ANAPC10: variants seen among roughly 807,000 people sequenced by gnomAD.
ANAPC10 encodes anaphase-promoting complex subunit 10.
A neutral mutation model predicts 22.0 loss-of-function variants in ANAPC10; 12 were observed. That is an observed-to-expected ratio of 0.55 (90% CI 0.35 to 0.88). ANAPC10 has a LOEUF of 0.88. ANAPC10 is among the 40% of genes least tolerant of loss of function. ANAPC10 has a pLI of 0.01. For missense variants in ANAPC10, 188 were observed against 220.9 expected, an observed-to-expected ratio of 0.85 and a Z score of 0.94; for synonymous variants, 65 against 69.5, an observed-to-expected ratio of 0.94 and a Z score of 0.32.
chr4:145,029,205 C>T (rs753347206), intron 4 of ANAPC10, among the ~76,000 whole-genome samples: 1 of 152,036 alleles, frequency 6.6e-6, no homozygotes, highest in Non-Finnish European at 1.5e-5. Context: ...TTCACCATCC[C>T]CAGTAGTGGC....
At chr4:145,036,756 G>A (rs1054220193) in intron 4 of ANAPC10, among the ~76,000 whole-genome samples, 1 of 152,078 alleles carries the variant, frequency 6.6e-6, no homozygotes, top group Non-Finnish European at 1.5e-5. Flanking sequence ...GACTTAGTAA[G>A]TTAGCAAAAC....
At chr4:145,061,167 G>GA (rs1019172757) in intron 4 of ANAPC10, among the ~76,000 whole-genome samples, 1 of 151,982 alleles carries the variant, frequency 6.6e-6, no homozygotes, top group Non-Finnish European at 1.5e-5. Context: ...AACACACTTA[G>GA]AAAAAATTAA....
intron 4 of ANAPC10, among the ~76,000 whole-genome samples, chr4:144,996,954 T>A (rs991884936): frequency 2.0e-5 from 3 of 152,060 alleles, no homozygotes; most frequent in Non-Finnish European, 4.4e-5. Flanking sequence ...CAAGCTTCAA[T>A]AGCTGATTCG....
chr4:145,088,939 T>A (rs576185158), intron 2 of ANAPC10, among the ~76,000 whole-genome samples: 26 of 152,340 alleles, frequency 1.7e-4, no homozygotes, highest in African/African-American at 6.3e-4. Context: ...TTTCTGAACC[T>A]CTAAAATGCC....
At chr4:145,045,400 T>C (rs1326423561) in intron 4 of ANAPC10, among the ~76,000 whole-genome samples, 1 of 152,066 alleles carries the variant, frequency 6.6e-6, no homozygotes, top group Non-Finnish European at 1.5e-5. Flanking sequence ...AAACCAGATC[T>C]GTCTACTTTG....
chr4:145,039,494 A>G (rs1165696608), intron 4 of ANAPC10, among the ~76,000 whole-genome samples: 1 of 152,252 alleles, frequency 6.6e-6, no homozygotes, highest in Admixed American at 6.5e-5. Context: ...AATAATAAAT[A>G]ACAATAAACA....
chr4:145,048,174 C>A (rs1042516495), intron 4 of ANAPC10, among the ~76,000 whole-genome samples: 1 of 152,032 alleles, frequency 6.6e-6, no homozygotes, highest in Non-Finnish European at 1.5e-5. Context: ...AAATAAATAT[C>A]AAAGGCCACT....
At chr4:145,019,038 C>T (rs113529014) in intron 4 of ANAPC10, among the ~76,000 whole-genome samples, 3 of 152,126 alleles carry the variant, frequency 2.0e-5, no homozygotes, top group Non-Finnish European at 4.4e-5. Context: ...CTAGACAGGT[C>T]ATCAAGACAG....
At chr4:145,028,097 G>A (rs1449415791) in intron 4 of ANAPC10, among the ~76,000 whole-genome samples, 1 of 152,192 alleles carries the variant, frequency 6.6e-6, no homozygotes, top group Non-Finnish European at 1.5e-5. Context: ...TGGTGTGATG[G>A]TTAATACCGA....
intron 4 of ANAPC10, among the ~76,000 whole-genome samples, chr4:145,014,005 G>T (rs1247071897): frequency 6.6e-6 from 1 of 152,116 alleles, no homozygotes; most frequent in Non-Finnish European, 1.5e-5. Context: ...GGCCAGCGGT[G>T]CGGAGAAAAT....
At chr4:145,037,292 CAT>C (rs1288696251) in intron 4 of ANAPC10, among the ~76,000 whole-genome samples, 1 of 151,942 alleles carries the variant, frequency 6.6e-6, no homozygotes, top group African/African-American at 2.4e-5. Flanking sequence ...CTTATGCAAA[CAT>C]ATAGAAATTT....
chr4:145,064,195 T>C (rs563525866), intron 4 of ANAPC10: 1 of 154,766 alleles, frequency 6.5e-6, no homozygotes, highest in South Asian at 2.0e-4. Context: ...ATCACACTGG[T>C]ATTTGGGGTG....
intron 2 of ANAPC10, among the ~76,000 whole-genome samples, chr4:145,093,981 T>C (rs1748098252): frequency 6.6e-6 from 1 of 152,168 alleles, no homozygotes; most frequent in Non-Finnish European, 1.5e-5. Context: ...TCATATACCA[T>C]CAGTTTTGCC....
At chr4:145,007,321 G>A (rs62343144) in intron 4 of ANAPC10, among the ~76,000 whole-genome samples, 15,741 of 152,000 alleles carry the variant, frequency 0.1, 1,067 homozygotes, top group Non-Finnish European at 0.15. Context: ...CTCCACCCCA[G>A]ATGAACAGAA....
intron 4 of ANAPC10, among the ~76,000 whole-genome samples, chr4:145,014,385 C>T (rs1734792266): frequency 6.6e-6 from 1 of 151,992 alleles, no homozygotes; most frequent in Non-Finnish European, 1.5e-5. Context: ...GTACACAACT[C>T]CATTGACCTG....
Position 145,026,263 on chromosome 4 carries a change from A to G in ANAPC10, c.328-30660T>C, listed in dbSNP as rs532134118. On this transcript the variant is annotated intron_variant, in intron 4 of 4. Coordinates refer to ENST00000507656, the MANE Select transcript of ANAPC10 (RefSeq NM_001256706.2). ...AATTTAACATTTATTGATTGACTGA[A>G]TGACTATTTTGTGCAGGGCACTATT... Among the ~76,000 whole-genome samples the G allele has an allele frequency of 1.9e-4, 29 of 152,356 alleles. No individual in the cohort carries two copies. The South Asian group carries it at 5.4e-3, about 28-fold the overall frequency.
At chr4:145,060,015 C>T (rs184075664) in intron 4 of ANAPC10, among the ~76,000 whole-genome samples, 6 of 152,058 alleles carry the variant, frequency 3.9e-5, no homozygotes, top group African/African-American at 1.4e-4. Flanking sequence ...CAAAAGTAAC[C>T]CAACTGAGAT....
chr4:145,059,047 TAC>T (rs1285894547), intron 4 of ANAPC10, among the ~76,000 whole-genome samples: 5 of 152,156 alleles, frequency 3.3e-5, no homozygotes, highest in Admixed American at 6.5e-5. Context: ...CTTGATAAAT[TAC>T]ACTTTCTGTC....
chr4:145,055,515 G>A (rs1055757264), intron 4 of ANAPC10, among the ~76,000 whole-genome samples: 7 of 151,704 alleles, frequency 4.6e-5, no homozygotes, highest in African/African-American at 1.7e-4. Flanking sequence ...CCAATATCAC[G>A]TCACTGCACT....
Sources: gnomAD v4.1 joint callset for allele counts (sites outside exome capture counted in the v4.1 genomes callset) on GRCh38, gnomAD v4.1.1 for gene constraint, MANE v1.5 for transcripts, NCBI Gene and HGNC (gene_info 2026-07-23, HGNC 2026-07-21) for gene names.